The following FBXO25 variants were observed in gnomAD, a reference collection of about 807,000 sequenced individuals.
FBXO25 encodes the protein F-box protein 25.
A neutral mutation model predicts 51.9 loss-of-function variants in FBXO25; 45 were observed. The observed-to-expected ratio is 0.87, with a 90% confidence interval of 0.68 to 1.11. FBXO25 has a LOEUF of 1.11. Ranked by LOEUF, FBXO25 falls within the 50% of genes most tolerant of loss-of-function variation. The pLI is 0.00. For synonymous variants in FBXO25, 199 were observed against 151.0 expected, an observed-to-expected ratio of 1.32 and a Z score of -2.33; for missense variants, 507 against 428.5, an observed-to-expected ratio of 1.18 and a Z score of -1.62.
chr8:454,406 A>G (rs528246790), intron 7 of FBXO25, among the ~76,000 whole-genome samples: 2 of 152,306 alleles, frequency 1.3e-5, no homozygotes, highest in South Asian at 2.1e-4. Context: ...AGATGCCCCC[A>G]TGTGCTCGCT....
In FBXO25 at chr8:462,540, C is replaced by G. The variant is rs147501494; in HGVS notation, c.844-467C>G. 9.7e-3 allele frequency among the ~76,000 whole-genome samples: 1,472 copies of G among 152,146 alleles called. 17 individuals are homozygous for G. The highest frequency in any genetic ancestry group is 0.034 in the African/African-American group (1,402 of 41,480). ...TTGATTTGTCACTTATTGATTTAACCCAAGTGAGTTTAATTTCAAATAATT... is the reference window on the plus strand; with the variant it reads ...TTGATTTGTCACTTATTGATTTAACGCAAGTGAGTTTAATTTCAAATAATT... On this transcript the variant is annotated intron_variant, in intron 8 of 9. Transcript: ENST00000350302.
intron 5 of FBXO25, among the ~76,000 whole-genome samples, chr8:448,034 T>TA (rs1798847364): frequency 6.6e-6 from 1 of 151,988 alleles, no homozygotes; most frequent in African/African-American, 2.4e-5. Flanking sequence ...ATGGAAATAA[T>TA]ACGAATGAGA....
intron 1 of FBXO25, among the ~76,000 whole-genome samples, chr8:412,292 G>C (rs1020737801): frequency 6.6e-6 from 1 of 152,054 alleles, no homozygotes; most frequent in Non-Finnish European, 1.5e-5. Context: ...ACAAAATCTA[G>C]ATAACTTCCT....
chr8:416,042 A>C (rs1796779145), intron 2 of FBXO25, among the ~76,000 whole-genome samples: 1 of 152,216 alleles, frequency 6.6e-6, no homozygotes, highest in African/African-American at 2.4e-5. Flanking sequence ...GTCTTGGCAG[A>C]GACTCCCATT....
chr8:422,138 A>G (rs781451937), intron 2 of FBXO25, among the ~76,000 whole-genome samples: 4 of 152,188 alleles, frequency 2.6e-5, no homozygotes, highest in Admixed American at 6.5e-5. Context: ...GAGAAATAGA[A>G]TATCTGCCAA....
At chr8:430,927 G>C (rs1442881961) in intron 2 of FBXO25, among the ~76,000 whole-genome samples, 1 of 152,170 alleles carries the variant, frequency 6.6e-6, no homozygotes, top group Non-Finnish European at 1.5e-5. Flanking sequence ...CCCTTATATA[G>C]GGAGTAAACA....
chr8:473,172 G>T lies in FBXO25; in HGVS notation c.*4368G>T, dbSNP rs1800536976. The T allele has an allele frequency of 6.6e-6, 1 of 152,346 alleles. No homozygotes were observed. The highest frequency in any genetic ancestry group is 1.5e-5 in the Non-Finnish European group (1 of 68,152). The allele number at this position is 152,346 out of a possible 1,614,324, so 9.4% of individuals were successfully genotyped here. A position where few individuals can be genotyped will look rare whatever the true frequency, so the allele number is the denominator to read the frequency against. On this transcript the variant is annotated 3_prime_UTR_variant, in exon 10 of 10. Coordinates refer to ENST00000350302, the MANE Select transcript of FBXO25 (RefSeq NM_183420.2). ...CTTCCTGTTGTTTCTGCATAGAGGA[G>T]GCAGACCCTCAACTTTGGAAAGCAG...
At chr8:435,552 G>C (rs934879690) in intron 4 of FBXO25, 63 bp from the exon 5 acceptor site, 13 of 1,564,894 alleles carry the variant, frequency 8.3e-6, no homozygotes, top group African/African-American at 4.2e-5. Context: ...ACAATTAATT[G>C]ACATTAACTG....
At position 435,791 on chromosome 8, in the gene FBXO25, T is replaced by A. The variant is rs1798069965; in HGVS notation, c.381+84T>A. On this transcript the variant is annotated intron_variant, in intron 5 of 9. Transcript: ENST00000350302. ...GATTGTAAGTGTACAACGTTGAAGA[T>A]GCTTTTGGCAGCTTGAAGGTGTGCC... 9.1e-6 allele frequency: 14 copies of A among 1,531,540 alleles called. No homozygotes were observed. The South Asian group carries it at 1.8e-4, about 19-fold the overall frequency. The allele number at this position is 1,531,540 out of a possible 1,614,324, so 94.9% of individuals were successfully genotyped here.
At chr8:408,885 G>A (rs1473218119) in intron 1 of FBXO25, among the ~76,000 whole-genome samples, 2 of 152,182 alleles carry the variant, frequency 1.3e-5, no homozygotes, top group Non-Finnish European at 2.9e-5. Context: ...TACACCCTTT[G>A]AGTGCTTGCT....
intron 2 of FBXO25, among the ~76,000 whole-genome samples, chr8:421,075 A>G (rs1198481690): frequency 6.6e-6 from 1 of 152,230 alleles, no homozygotes; most frequent in Non-Finnish European, 1.5e-5. Context: ...ACAGAGCAGG[A>G]GGTGAGCAGA....
chr8:425,917 A>G (rs916688284), intron 2 of FBXO25, among the ~76,000 whole-genome samples: 1 of 97,206 alleles, frequency 1.0e-5, no homozygotes, highest in African/African-American at 4.2e-5. Context: ...TTCCACTTTT[A>G]TCCTAATGCC....
intron 8 of FBXO25, among the ~76,000 whole-genome samples, chr8:460,266 A>G (rs958910933): frequency 6.6e-5 from 10 of 152,174 alleles, no homozygotes; most frequent in Non-Finnish European, 1.5e-4. Context: ...GGTCATTGCC[A>G]TTCTTAAAAG....
chr8:454,613 C>T (rs186665635), intron 7 of FBXO25, among the ~76,000 whole-genome samples: 71 of 152,272 alleles, frequency 4.7e-4, no homozygotes, highest in Middle Eastern at 3.4e-3. Context: ...AAGAATGGGC[C>T]GGGCGCGATG....
chr8:417,683 T>C (rs1380000183), intron 2 of FBXO25, among the ~76,000 whole-genome samples: 1 of 152,228 alleles, frequency 6.6e-6, no homozygotes, highest in Admixed American at 6.5e-5. Flanking sequence ...TCCTAATGCA[T>C]TGCATGTTCA....
intron 8 of FBXO25, among the ~76,000 whole-genome samples, chr8:461,786 C>A (rs984255275): frequency 1.3e-5 from 2 of 152,162 alleles, no homozygotes; most frequent in African/African-American, 4.8e-5. Flanking sequence ...TGGCTTCTTA[C>A]CCTTTGCATG....
chr8:430,306 A>G (rs2117604187), intron 2 of FBXO25, among the ~76,000 whole-genome samples: 1 of 152,370 alleles, frequency 6.6e-6, no homozygotes, highest in Non-Finnish European at 1.5e-5. Context: ...AATTGCTGTT[A>G]TAATGTCTGC....
At chr8:433,192 A>T (rs1364027114) in intron 4 of FBXO25, among the ~76,000 whole-genome samples, 2 of 152,082 alleles carry the variant, frequency 1.3e-5, no homozygotes, top group African/African-American at 4.8e-5. Context: ...TGTATGGTGT[A>T]TGTGTGTGGT....
chr8:433,988 A>G (rs1344837672), intron 4 of FBXO25, among the ~76,000 whole-genome samples: 2 of 152,214 alleles, frequency 1.3e-5, no homozygotes, highest in Admixed American at 1.3e-4. Flanking sequence ...TAAATATTTC[A>G]TCTGCTCTGT....
Sources: allele counts gnomAD v4.1 joint callset (sites outside exome capture counted in the v4.1 genomes callset), GRCh38; gene constraint gnomAD v4.1.1; transcripts MANE v1.5; gene names NCBI Gene and HGNC (gene_info 2026-07-23, HGNC 2026-07-21).